The following ZFHX3 variants were observed in gnomAD, a reference collection of about 807,000 sequenced individuals.
ZFHX3 encodes the protein zinc finger homeobox 3.
Under a neutral mutation model 279.1 loss-of-function variants are expected in ZFHX3, and 42 were observed. That is an observed-to-expected ratio of 0.15 (90% CI 0.12 to 0.19). ZFHX3 has a LOEUF of 0.19. ZFHX3 is among the 10% of genes least tolerant of loss of function. The pLI is 1.00. For synonymous variants in ZFHX3, 2,293 were observed against 1,957.8 expected, an observed-to-expected ratio of 1.17 and a Z score of -4.52; for missense variants, 4,981 against 4,754.0, an observed-to-expected ratio of 1.05 and a Z score of -1.40.
intron 6 of ZFHX3, among the ~76,000 whole-genome samples, chr16:73,135,590 T>C: frequency 6.6e-6 from 1 of 152,228 alleles, no homozygotes; most frequent in East Asian, 1.9e-4. Context: ...ATGAACTGAA[T>C]GTGGCCTGTG....
rs1014458479 is a variant in ZFHX3 at position 73,857,634 on chromosome 16, G to A, written c.-1608+34017C>T. On this transcript the variant is annotated intron_variant, in intron 1 of 17. Transcript: ENST00000641206. ...CAAAGTAAACAAGGCTAACCCCCAA[G>A]AGGAGCTGCCTGGTACTGTGTAAGT... Among the ~76,000 whole-genome samples the A allele has an allele frequency of 9.8e-5, 15 of 152,330 alleles. 1 individual carries two copies. The highest frequency in any genetic ancestry group is 3.9e-4 in the Admixed American group (6 of 15,308).
intron 4 of ZFHX3, among the ~76,000 whole-genome samples, chr16:72,883,447 C>A (rs1243730311): frequency 6.6e-6 from 1 of 152,180 alleles, no homozygotes; most frequent in Non-Finnish European, 1.5e-5. Flanking sequence ...ACACATCTGA[C>A]ATTCTGTTAG....
chr16:73,795,182 G>A (rs116042134), intron 1 of ZFHX3, among the ~76,000 whole-genome samples: 6 of 152,170 alleles, frequency 3.9e-5, no homozygotes, highest in Non-Finnish European at 1.5e-5. Flanking sequence ...TCTGGGAGGA[G>A]GATCAAATAC....
intron 1 of ZFHX3, among the ~76,000 whole-genome samples, chr16:73,875,055 G>A (rs1035780084): frequency 4.6e-5 from 7 of 152,164 alleles, no homozygotes. Flanking sequence ...GTATATAGCT[G>A]TTAAGTGAGC....
At chr16:73,761,957 T>C (rs917220760) in intron 1 of ZFHX3, among the ~76,000 whole-genome samples, 2 of 151,840 alleles carry the variant, frequency 1.3e-5, no homozygotes, top group African/African-American at 4.8e-5. Context: ...CAAAAGCAAT[T>C]GCAACAAAAA....
intron 1 of ZFHX3, among the ~76,000 whole-genome samples, chr16:73,021,199 G>T (rs1320042847): frequency 6.6e-6 from 1 of 152,224 alleles, no homozygotes; most frequent in African/African-American, 2.4e-5. Flanking sequence ...AAGACTGAAG[G>T]GGTTTAGAGC....
intron 3 of ZFHX3, among the ~76,000 whole-genome samples, chr16:73,362,115 G>A (rs942356551): frequency 1.3e-5 from 2 of 149,048 alleles, no homozygotes; most frequent in African/African-American, 5.1e-5. Flanking sequence ...TTCCAACAAG[G>A]GCCACGTGCC....
intron 2 of ZFHX3, among the ~76,000 whole-genome samples, chr16:73,518,600 C>T (rs1187446905): frequency 6.6e-6 from 1 of 152,152 alleles, no homozygotes; most frequent in East Asian, 1.9e-4. Flanking sequence ...TATTTAACCA[C>T]TATGCAGACA....
At chr16:73,031,578 C>A (rs917286979) in intron 1 of ZFHX3, among the ~76,000 whole-genome samples, 2 of 152,194 alleles carry the variant, frequency 1.3e-5, no homozygotes. Context: ...ATCGAGTAAA[C>A]AGTACTTAAG....
intron 5 of ZFHX3, among the ~76,000 whole-genome samples, chr16:73,162,285 C>G (rs983708722): frequency 6.6e-6 from 1 of 152,162 alleles, no homozygotes; most frequent in African/African-American, 2.4e-5. Flanking sequence ...CAGCACAAAC[C>G]CTACTGTGAA....
At chr16:73,598,754 T>C (rs1177912304) in intron 2 of ZFHX3, among the ~76,000 whole-genome samples, 1 of 151,882 alleles carries the variant, frequency 6.6e-6, no homozygotes, top group Non-Finnish European at 1.5e-5. Flanking sequence ...TTTCTTCAAA[T>C]ACTCTCTTTT....
chr16:73,106,193 G>A (rs75334480), intron 7 of ZFHX3, among the ~76,000 whole-genome samples: 11,266 of 152,118 alleles, frequency 0.074, 593 homozygotes, highest in Admixed American at 0.13. Flanking sequence ...CAAGATCTAG[G>A]AGCAAGGATC....
upstream of ZFHX3, chr16:73,061,463 G>T (rs1214282959): frequency 7.3e-6 from 1 of 137,248 alleles, no homozygotes. Context: ...TATCTTTATT[G>T]TAGCCATTGT....
intron 3 of ZFHX3, among the ~76,000 whole-genome samples, chr16:72,894,500 A>G (rs1052631502): frequency 1.3e-5 from 2 of 152,178 alleles, no homozygotes; most frequent in Non-Finnish European, 2.9e-5. Flanking sequence ...CCACCCTTGG[A>G]ACCTGCCTAA....
At chr16:73,815,104 A>G (rs1343982999) in intron 1 of ZFHX3, among the ~76,000 whole-genome samples, 2 of 152,206 alleles carry the variant, frequency 1.3e-5, no homozygotes, top group African/African-American at 4.8e-5. Context: ...ACTTAACCCA[A>G]AGCCTAGCTT....
intron 1 of ZFHX3, among the ~76,000 whole-genome samples, chr16:73,701,650 A>G (rs1257105043): frequency 6.6e-6 from 1 of 152,170 alleles, no homozygotes; most frequent in Admixed American, 6.5e-5. Context: ...TCACTGGCCT[A>G]AATTACAATT....
upstream of ZFHX3, among the ~76,000 whole-genome samples, chr16:73,050,478 G>C (rs942427807): frequency 2.0e-5 from 3 of 152,160 alleles, no homozygotes; most frequent in African/African-American, 7.2e-5. Flanking sequence ...GGTGATCTAT[G>C]GCCTCTGTAC....
chr16:73,384,183 C>A (rs550886873), intron 3 of ZFHX3, among the ~76,000 whole-genome samples: 1 of 152,160 alleles, frequency 6.6e-6, no homozygotes, highest in Non-Finnish European at 1.5e-5. Flanking sequence ...TGGCCTGCAC[C>A]CTGTTTTTAT....
chr16:73,327,715 G>T (rs562108485), intron 3 of ZFHX3, among the ~76,000 whole-genome samples: 1 of 152,360 alleles, frequency 6.6e-6, no homozygotes, highest in Admixed American at 6.5e-5. Context: ...GCAGGCTGGA[G>T]TGTCATATGT....
Sources: gnomAD v4.1 joint callset for allele counts (sites outside exome capture counted in the v4.1 genomes callset) on GRCh38, gnomAD v4.1.1 for gene constraint, MANE v1.5 for transcripts, NCBI Gene and HGNC (gene_info 2026-07-23, HGNC 2026-07-21) for gene names.